The following MYO3A variants were observed in gnomAD, a reference collection of about 807,000 sequenced individuals.
The protein encoded by MYO3A is myosin-IIIa.
MYO3A carries 180 observed loss-of-function variants against 192.7 expected under a neutral mutation model. That is an observed-to-expected ratio of 0.93 (90% CI 0.83 to 1.06). The LOEUF (loss-of-function observed/expected upper bound fraction) is 1.06. Among genes scored for constraint, MYO3A ranks in the 50% least tolerant of loss-of-function variants. The pLI is 0.00. For missense variants in MYO3A, 1,896 were observed against 1,905.0 expected (o/e 1.00, Z 0.09); for synonymous variants, 628 against 645.3 (o/e 0.97, Z 0.41).
intron 31 of MYO3A, among the ~76,000 whole-genome samples, 171 bp downstream of exon 31, chr10:26,177,016 C>T (rs192232802): frequency 3.9e-4 from 59 of 151,918 alleles, no homozygotes; most frequent in African/African-American, 1.4e-3. Context: ...GATGTTCTAC[C>T]CACTTTCTAC....
intron 10 of MYO3A, among the ~76,000 whole-genome samples, chr10:26,041,634 A>G (rs1288112104): frequency 6.6e-6 from 1 of 152,036 alleles, no homozygotes; most frequent in Non-Finnish European, 1.5e-5. Flanking sequence ...TGCACATACT[A>G]TCTTATAACC....
intron 30 of MYO3A, among the ~76,000 whole-genome samples, chr10:26,175,936 G>A (rs893151612): frequency 1.3e-5 from 2 of 152,226 alleles, no homozygotes; most frequent in African/African-American, 2.4e-5. Flanking sequence ...ATGCGGACAC[G>A]ATAGAGGCGG....
At chr10:26,014,822 C>T in intron 6 of MYO3A, among the ~76,000 whole-genome samples, 1 of 152,072 alleles carries the variant, frequency 6.6e-6, no homozygotes, top group African/African-American at 2.4e-5. Flanking sequence ...AAAAACTATG[C>T]TTTTCTCTCT....
intron 28 of MYO3A, among the ~76,000 whole-genome samples, chr10:26,169,959 T>G (rs906251344): frequency 5.3e-5 from 8 of 152,224 alleles, no homozygotes; most frequent in African/African-American, 1.9e-4. Context: ...TATTGGGCGC[T>G]GCCCTGACAC....
intron 23 of MYO3A, among the ~76,000 whole-genome samples, chr10:26,149,811 C>T (rs976705250): frequency 6.6e-6 from 1 of 152,122 alleles, no homozygotes; most frequent in African/African-American, 2.4e-5. Flanking sequence ...TATGAACTTA[C>T]GTATCCTATC....
intron 17 of MYO3A, among the ~76,000 whole-genome samples, chr10:26,098,892 T>A (rs926980882): frequency 2.0e-5 from 3 of 152,162 alleles, no homozygotes; most frequent in Non-Finnish European, 4.4e-5. Context: ...CTTGGCAATG[T>A]GGGCTCTTTT....
intron 10 of MYO3A, among the ~76,000 whole-genome samples, chr10:26,031,477 G>C (rs552389257): frequency 6.6e-6 from 1 of 152,330 alleles, no homozygotes; most frequent in South Asian, 2.1e-4. Flanking sequence ...CCCACGTGTA[G>C]GTCACAGGCC....
chr10:26,068,222 T>G (rs1834972132), intron 11 of MYO3A, among the ~76,000 whole-genome samples: 1 of 152,154 alleles, frequency 6.6e-6, no homozygotes, highest in South Asian at 2.1e-4. Context: ...CTCTCTTGTG[T>G]CATGTACTGT....
intron 4 of MYO3A, among the ~76,000 whole-genome samples, chr10:25,973,525 G>T (rs1481415441): frequency 2.0e-5 from 3 of 152,142 alleles, no homozygotes; most frequent in Non-Finnish European, 2.9e-5. Flanking sequence ...TGTTGAAAAG[G>T]AGTGGTGAGA....
intron 14 of MYO3A, among the ~76,000 whole-genome samples, chr10:26,085,783 C>T (rs1836267081): frequency 6.6e-6 from 1 of 152,202 alleles, no homozygotes; most frequent in Non-Finnish European, 1.5e-5. Context: ...TGCAAGTGTC[C>T]ACAGTAGTGA....
chr10:26,020,947 T>C (rs894519307), intron 7 of MYO3A, among the ~76,000 whole-genome samples: 5 of 152,226 alleles, frequency 3.3e-5, no homozygotes, highest in African/African-American at 1.2e-4. Flanking sequence ...GGTTTATTTT[T>C]ATTTAGTTTT....
At chr10:26,046,583 A>C (rs1843649394) in intron 10 of MYO3A, among the ~76,000 whole-genome samples, 1 of 152,198 alleles carries the variant, frequency 6.6e-6, no homozygotes, top group South Asian at 2.1e-4. Context: ...GAAAATTCTG[A>C]ATACATTTGC....
chr10:26,212,379 C>A lies in MYO3A; in HGVS notation c.*416C>A, dbSNP rs1844268134. 5.9e-6 allele frequency: 2 copies of A among 340,648 alleles called. No homozygotes were observed. The highest frequency in any genetic ancestry group is 1.5e-4 in the South Asian group (1 of 6,584). 21.1% of individuals were successfully genotyped at this position (340,648 alleles called of 1,614,324 possible). ...TTTTTTTTTATTGGAAACGGCTTTT[C>A]TTGGCCAACAGAACACTTGCTAGCG... On this transcript the variant is annotated 3_prime_UTR_variant, in exon 35 of 35. Transcript: ENST00000642920.
At chr10:26,150,292 T>G (rs1194882895) in intron 23 of MYO3A, among the ~76,000 whole-genome samples, 1 of 152,240 alleles carries the variant, frequency 6.6e-6, no homozygotes, top group Non-Finnish European at 1.5e-5. Context: ...TATTGCACTA[T>G]AGTTTTCTTA....
intron 14 of MYO3A, among the ~76,000 whole-genome samples, chr10:26,073,787 G>A (rs947165889): frequency 2.0e-5 from 3 of 152,088 alleles, no homozygotes; most frequent in Non-Finnish European, 4.4e-5. Flanking sequence ...AAACAATACA[G>A]ACAGAAGCAG....
chr10:26,184,950 C>T (rs980711424), intron 31 of MYO3A, among the ~76,000 whole-genome samples: 1 of 152,064 alleles, frequency 6.6e-6, no homozygotes, highest in African/African-American at 2.4e-5. Flanking sequence ...CCATTAGAGG[C>T]CAAATAAATG....
At chr10:26,035,972 C>G (rs558526669) in intron 10 of MYO3A, among the ~76,000 whole-genome samples, 1 of 151,704 alleles carries the variant, frequency 6.6e-6, no homozygotes, top group Non-Finnish European at 1.5e-5. Context: ...CTCCGGCTGT[C>G]GCCCAGGCTG....
At chr10:25,984,298 C>T (rs1839511659) in intron 4 of MYO3A, among the ~76,000 whole-genome samples, 2 of 152,158 alleles carry the variant, frequency 1.3e-5, no homozygotes, top group South Asian at 2.1e-4. Flanking sequence ...CCTAAATACT[C>T]CACTTAAATG....
intron 14 of MYO3A, among the ~76,000 whole-genome samples, chr10:26,085,684 C>T (rs183073979): frequency 1.8e-4 from 28 of 152,320 alleles, no homozygotes; most frequent in African/African-American, 5.3e-4. Context: ...CCTCTGAGAG[C>T]AGAGTGCTGC....
Sources: gnomAD v4.1 joint callset for allele counts (sites outside exome capture counted in the v4.1 genomes callset) on GRCh38, gnomAD v4.1.1 for gene constraint, MANE v1.5 for transcripts, NCBI Gene and HGNC (gene_info 2026-07-23, HGNC 2026-07-21) for gene names.